RSPO2: variants seen among roughly 807,000 people sequenced by gnomAD.
RSPO2 encodes the protein R-spondin-2.
In RSPO2, 14 loss-of-function variants were observed where a neutral mutation model predicts 30.9. The ratio of observed to expected loss-of-function variants is 0.45; its 90% CI spans 0.30 to 0.71. The LOEUF (loss-of-function observed/expected upper bound fraction) is 0.71, where lower values mean the gene tolerates loss of function less well. Among genes scored for constraint, RSPO2 ranks in the 30% least tolerant of loss-of-function variants. The pLI, the probability that RSPO2 is intolerant of heterozygous loss-of-function variation, is 0.08. For missense variants in RSPO2, 264 were observed against 301.9 expected (o/e 0.87, Z 0.93); for synonymous variants, 107 against 96.4 (o/e 1.11, Z -0.64).
chr8:107,939,573 G>C (rs1158035965), intron 5 of RSPO2, among the ~76,000 whole-genome samples: 4 of 147,886 alleles, frequency 2.7e-5, no homozygotes, highest in African/African-American at 1.0e-4. Flanking sequence ...AAGAATATTT[G>C]CAAGAGCACA....
At chr8:108,070,196 T>TG (rs1248250845) in intron 2 of RSPO2, among the ~76,000 whole-genome samples, 1 of 151,754 alleles carries the variant, frequency 6.6e-6, no homozygotes, top group Non-Finnish European at 1.5e-5. Context: ...TCGTGGCACA[T>TG]GCCTGTCATC....
intron 5 of RSPO2, among the ~76,000 whole-genome samples, chr8:107,922,321 C>T (rs1051367410): frequency 1.3e-4 from 20 of 152,140 alleles, no homozygotes; most frequent in Middle Eastern, 3.4e-3. Context: ...AAGCTGAGTG[C>T]CCAATCAGGA....
chr8:108,002,545 T>C (rs1815286472), intron 2 of RSPO2, among the ~76,000 whole-genome samples: 1 of 152,218 alleles, frequency 6.6e-6, no homozygotes, highest in African/African-American at 2.4e-5. Flanking sequence ...TAATGTATAA[T>C]TCTCACCGTG....
chr8:107,916,413 T>C (rs1271056030), intron 5 of RSPO2, among the ~76,000 whole-genome samples: 2 of 152,174 alleles, frequency 1.3e-5, no homozygotes, highest in Non-Finnish European at 2.9e-5. Context: ...CCACACCTAG[T>C]ACATAATTAA....
intron 2 of RSPO2, among the ~76,000 whole-genome samples, chr8:107,991,803 T>C (rs1180709526): frequency 6.6e-6 from 1 of 151,990 alleles, no homozygotes; most frequent in Non-Finnish European, 1.5e-5. Flanking sequence ...TCACTGAATA[T>C]TAAAGAAATG....
intron 5 of RSPO2, among the ~76,000 whole-genome samples, chr8:107,954,552 C>G (rs541803677): frequency 1.3e-5 from 2 of 151,700 alleles, no homozygotes; most frequent in East Asian, 3.9e-4. Context: ...GTTTCCTATA[C>G]TCAGTGTTCA....
intron 2 of RSPO2, among the ~76,000 whole-genome samples, chr8:107,996,009 G>A (rs577378610): frequency 3.9e-5 from 6 of 152,116 alleles, no homozygotes; most frequent in African/African-American, 1.2e-4. Flanking sequence ...CTTCTGAAGA[G>A]GTTTTATTCT....
At chr8:108,002,051 A>G (rs747141798) in intron 2 of RSPO2, among the ~76,000 whole-genome samples, 14 of 152,200 alleles carry the variant, frequency 9.2e-5, no homozygotes, top group Non-Finnish European at 1.3e-4. Context: ...TTTAAAGTAT[A>G]ATAAAAAAAA....
chr8:107,989,152 GGAA>G lies in RSPO2; in HGVS notation c.184_186del (p.Phe62del), dbSNP rs1814759403. ...TACTGGCGCATCCCTTCTCTTCGAAGGAAGAAGAACAACTTCTGTTGACATCGG... is the reference window on the plus strand; with the variant it reads ...TACTGGCGCATCCCTTCTCTTCGAAGGAAGAACAACTTCTGTTGACATCGG... On this transcript the variant is annotated inframe_deletion, in exon 3 of 6. Coordinates refer to ENST00000276659, the MANE Select transcript of RSPO2 (RefSeq NM_178565.5). 6.2e-7 allele frequency: 1 copy of G among 1,612,120 alleles called. No homozygotes were observed.
chr8:107,918,886 TCTGTTGTTAG>T (rs1812064721), intron 5 of RSPO2, among the ~76,000 whole-genome samples: 1 of 152,138 alleles, frequency 6.6e-6, no homozygotes, highest in Admixed American at 6.6e-5. Context: ...CTATAGTATA[TCTGTTGTTAG>T]CTGTTCTTGA....
chr8:107,983,547 A>C, intron 3 of RSPO2: 1 of 1,599,670 alleles, frequency 6.3e-7, no homozygotes, highest in African/African-American at 1.3e-5. Context: ...TACTATATTT[A>C]CTTCAGCAAA....
intron 2 of RSPO2, among the ~76,000 whole-genome samples, chr8:108,019,340 C>G (rs1238883225): frequency 2.6e-5 from 4 of 151,708 alleles, no homozygotes; most frequent in Non-Finnish European, 4.4e-5. Flanking sequence ...GGTGACAGAC[C>G]AAGACTCCAA....
At chr8:108,030,230 T>C (rs1176444627) in intron 2 of RSPO2, among the ~76,000 whole-genome samples, 1 of 151,620 alleles carries the variant, frequency 6.6e-6, no homozygotes, top group Non-Finnish European at 1.5e-5. Context: ...GATGAGCTGG[T>C]TGAGGACACA....
intron 4 of RSPO2, among the ~76,000 whole-genome samples, chr8:107,958,521 A>G (rs1455508444): frequency 6.6e-6 from 1 of 152,120 alleles, no homozygotes; most frequent in Non-Finnish European, 1.5e-5. Context: ...GAAGGATGCT[A>G]TTGGTCAGTT....
chr8:108,006,212 A>G (rs1815447104), intron 2 of RSPO2, among the ~76,000 whole-genome samples: 1 of 152,232 alleles, frequency 6.6e-6, no homozygotes. Flanking sequence ...GGGGAAAAGA[A>G]GAGTGATATT....
intron 2 of RSPO2, among the ~76,000 whole-genome samples, chr8:108,039,243 C>T (rs1023336338): frequency 2.6e-5 from 4 of 152,102 alleles, no homozygotes; most frequent in Admixed American, 2.0e-4. Flanking sequence ...TTAGAAATTA[C>T]AAGTTCTAAT....
chr8:108,080,351 T>G (rs946010499), intron 2 of RSPO2, among the ~76,000 whole-genome samples: 2 of 151,942 alleles, frequency 1.3e-5, no homozygotes, highest in Non-Finnish European at 2.9e-5. Context: ...AAAAAAAGTT[T>G]GATTTTTTTT....
chr8:108,066,079 A>G (rs1283398573), intron 2 of RSPO2, among the ~76,000 whole-genome samples: 1 of 152,088 alleles, frequency 6.6e-6, no homozygotes, highest in Admixed American at 6.5e-5. Flanking sequence ...AAAAGACAAG[A>G]GTGCACAGAA....
At chr8:107,995,437 G>C (rs1814986556) in intron 2 of RSPO2, among the ~76,000 whole-genome samples, 1 of 152,072 alleles carries the variant, frequency 6.6e-6, no homozygotes, top group South Asian at 2.1e-4. Context: ...TACTGTACCT[G>C]TTGGGTCATA....
Sources: allele counts gnomAD v4.1 joint callset (sites outside exome capture counted in the v4.1 genomes callset), GRCh38; gene constraint gnomAD v4.1.1; transcripts MANE v1.5; gene names NCBI Gene and HGNC (gene_info 2026-07-23, HGNC 2026-07-21).